The following WDR7 variants were observed in gnomAD, a reference collection of about 807,000 sequenced individuals.
WDR7 encodes the protein WD repeat domain 7, also known as WD repeat-containing protein 7.
In WDR7, 46 loss-of-function variants were observed where a neutral mutation model predicts 169.4. The ratio of observed to expected loss-of-function variants is 0.27; its 90% CI spans 0.21 to 0.35. The LOEUF (loss-of-function observed/expected upper bound fraction) is 0.35, where lower values mean the gene tolerates loss of function less well. Ranked by LOEUF, WDR7 falls within the 10% of genes least tolerant of loss-of-function variation. The probability of loss-of-function intolerance (pLI) is 1.00; values close to 1 mark genes in which losing one functional copy is unlikely to be tolerated. For missense variants in WDR7, 1,534 were observed against 1,859.3 expected (o/e 0.83, Z 3.22); for synonymous variants, 612 against 666.8 (o/e 0.92, Z 1.27).
At chr18:56,785,400 A>G (rs976054776) in intron 19 of WDR7, among the ~76,000 whole-genome samples, 2 of 152,220 alleles carry the variant, frequency 1.3e-5, no homozygotes, top group African/African-American at 4.8e-5. Context: ...TCTGACAAAT[A>G]TACCACCCAT....
intron 26 of WDR7, among the ~76,000 whole-genome samples, chr18:57,000,936 A>G (rs1345114931): frequency 6.6e-6 from 1 of 152,114 alleles, no homozygotes; most frequent in Non-Finnish European, 1.5e-5. Flanking sequence ...AGGGCCATGT[A>G]TAGTGAATCC....
chr18:56,913,995 CTCCACATAACCT>C (rs2046588653), intron 21 of WDR7, among the ~76,000 whole-genome samples: 1 of 152,102 alleles, frequency 6.6e-6, no homozygotes, highest in African/African-American at 2.4e-5. Flanking sequence ...CATCACTGTC[CTCCACATAACCT>C]TCCACAAGTT....
At chr18:56,976,232 G>A (rs1254886046) in intron 26 of WDR7, among the ~76,000 whole-genome samples, 4 of 152,106 alleles carry the variant, frequency 2.6e-5, no homozygotes, top group Non-Finnish European at 5.9e-5. Context: ...AATACAGCAT[G>A]TTAAATATAT....
intron 19 of WDR7, among the ~76,000 whole-genome samples, chr18:56,806,484 C>A (rs1341846123): frequency 1.3e-5 from 2 of 151,994 alleles, no homozygotes; most frequent in Non-Finnish European, 2.9e-5. Flanking sequence ...ATACACACAA[C>A]CACATAGAGG....
At chr18:56,903,979 G>A (rs540018253) in intron 21 of WDR7, among the ~76,000 whole-genome samples, 62 of 152,188 alleles carry the variant, frequency 4.1e-4, no homozygotes, top group East Asian at 1.3e-3. Flanking sequence ...TTTAAAGTGC[G>A]GTTAATGCAG....
intron 5 of WDR7, among the ~76,000 whole-genome samples, chr18:56,684,039 G>A (rs528788492): frequency 1.6e-4 from 25 of 152,240 alleles, no homozygotes; most frequent in Non-Finnish European, 3.2e-4. Flanking sequence ...CTGATTGAGG[G>A]CAGTAGAGGG....
At chr18:56,819,395 T>G (rs1246422877) in intron 20 of WDR7, among the ~76,000 whole-genome samples, 1 of 152,132 alleles carries the variant, frequency 6.6e-6, no homozygotes, top group Non-Finnish European at 1.5e-5. Context: ...TTTCTCTATC[T>G]CTCTTTTTAA....
At chr18:56,813,017 C>G (rs2145203784) in intron 19 of WDR7, among the ~76,000 whole-genome samples, 1 of 119,036 alleles carries the variant, frequency 8.4e-6, no homozygotes, top group South Asian at 2.7e-4. Flanking sequence ...ATATCACACT[C>G]TGGGGACTGT....
intron 26 of WDR7, among the ~76,000 whole-genome samples, chr18:57,004,422 T>C (rs2048026884): frequency 6.6e-6 from 1 of 152,126 alleles, no homozygotes; most frequent in South Asian, 2.1e-4. Flanking sequence ...ACTTAGGAGA[T>C]TGAACTGGCA....
intron 20 of WDR7, among the ~76,000 whole-genome samples, chr18:56,829,323 G>C (rs1482425202): frequency 6.6e-6 from 1 of 151,642 alleles, no homozygotes; most frequent in Non-Finnish European, 1.5e-5. Flanking sequence ...AAATAGGACT[G>C]TAACCCTCAG....
intron 20 of WDR7, among the ~76,000 whole-genome samples, chr18:56,847,469 C>T (rs941735974): frequency 3.9e-5 from 6 of 152,070 alleles, no homozygotes; most frequent in Admixed American, 1.3e-4. Flanking sequence ...AGAATATTTT[C>T]GGGGGAGGAA....
chr18:56,894,246 G>A lies in WDR7; in HGVS notation c.3526+14081G>A, dbSNP rs561608786. 3.9e-4 allele frequency among the ~76,000 whole-genome samples: 59 copies of A among 152,104 alleles called. No individual in the cohort carries two copies. The South Asian group carries it at 0.012, about 32-fold the overall frequency. ...CCCTTCCAGCATAGCAGTCGTGGTA[G>A]TGATTCTTTAAGAACCTAATGTGGA... On this transcript the variant is annotated intron_variant, in intron 21 of 27. Transcript: ENST00000254442.
chr18:56,985,762 AT>A (rs1283498127), intron 26 of WDR7, among the ~76,000 whole-genome samples: 2 of 152,090 alleles, frequency 1.3e-5, no homozygotes, highest in Non-Finnish European at 2.9e-5. Flanking sequence ...ATTAACAGGT[AT>A]TGTACACTAA....
At chr18:56,656,583 ATTT>A (rs10648827) in intron 1 of WDR7, among the ~76,000 whole-genome samples, 2 of 146,138 alleles carry the variant, frequency 1.4e-5, no homozygotes, top group Admixed American at 1.4e-4. Context: ...CCCGGCCACT[ATTT>A]TTTTTTTTTT....
In WDR7 at chr18:56,757,180, A is replaced by G; in HGVS notation, c.2587A>G (p.Thr863Ala). ...QPACKLSHGK[T>A]EVGRKLPASE... ...TGCTTGTAAACTGTCACATGGGAAA[A>G]CAGAAGTAGGAAGGAAGCTGCCAGC... Residue 863 changes from threonine (T) to alanine (A), a missense_variant, in exon 15 of 28, where the codon ACA (threonine) becomes GCA (alanine). Thr to Ala is a moderately conservative substitution (Grantham distance 58, BLOSUM62 0). Transcript: ENST00000254442. The G allele has an allele frequency of 1.9e-6, 3 of 1,614,048 alleles. No homozygotes were observed. The highest frequency in any genetic ancestry group is 2.5e-6 in the Non-Finnish European group (3 of 1,179,994).
intron 1 of WDR7, among the ~76,000 whole-genome samples, chr18:56,654,282 C>T (rs2024718801): frequency 1.3e-5 from 2 of 152,048 alleles, no homozygotes; most frequent in Admixed American, 1.3e-4. Flanking sequence ...CAGGCACGCG[C>T]CACTACGCCC....
chr18:56,701,249 TGAA>T (rs1410492058), intron 12 of WDR7, among the ~76,000 whole-genome samples: 4 of 152,200 alleles, frequency 2.6e-5, no homozygotes, highest in African/African-American at 9.6e-5. Context: ...GTAAACTACT[TGAA>T]AAGACCTGAG....
At chr18:57,009,775 T>G in intron 26 of WDR7, 1 of 865,202 alleles carries the variant, frequency 1.2e-6, no homozygotes, top group Non-Finnish European at 1.4e-6. Flanking sequence ...TTTTGAAACA[T>G]AATTTCAAAA....
intron 22 of WDR7, among the ~76,000 whole-genome samples, chr18:56,932,856 T>C (rs1354384893): frequency 6.7e-6 from 1 of 149,526 alleles, no homozygotes; most frequent in Non-Finnish European, 1.5e-5. Context: ...GCACACATGA[T>C]TGTATCTCTT....
Sources: allele counts gnomAD v4.1 joint callset (sites outside exome capture counted in the v4.1 genomes callset), GRCh38; gene constraint gnomAD v4.1.1; transcripts MANE v1.5; gene names NCBI Gene and HGNC (gene_info 2026-07-23, HGNC 2026-07-21).